TRIP11: variants seen among roughly 807,000 people sequenced by gnomAD.
TRIP11 encodes thyroid receptor-interacting protein 11.
In TRIP11, 148 loss-of-function variants were observed where a neutral mutation model predicts 223.1. That is an observed-to-expected ratio of 0.66 (90% CI 0.58 to 0.76). The LOEUF (loss-of-function observed/expected upper bound fraction) is 0.76. Among genes scored for constraint, TRIP11 ranks in the 30% least tolerant of loss-of-function variants. The pLI is 0.00. For synonymous variants in TRIP11, 762 were observed against 772.6 expected (o/e 0.99, Z 0.23); for missense variants, 2,043 against 2,222.0 (o/e 0.92, Z 1.62).
At position 91,995,246 on chromosome 14, in the gene TRIP11, A is replaced by T. The variant is rs1028877761; in HGVS notation, c.5056+106T>A. 8 of 1,380,190 alleles carry T rather than the reference A, an allele frequency of 5.8e-6. No individual in the cohort carries two copies. The African/African-American group carries it at 1.1e-4, about 20-fold the overall frequency. The allele number at this position is 1,380,190 out of a possible 1,614,324, so 85.5% of individuals were successfully genotyped here. A position where few individuals can be genotyped will look rare whatever the true frequency, so the allele number is the denominator to read the frequency against. On this transcript the variant is annotated intron_variant, in intron 14 of 20. Transcript: ENST00000267622. ...CACCCTTCCCCTCTACCAGTGGGTA[A>T]CCTTTCAGAGATTTCCCCGTGCCTC...
At chr14:91,996,476 A>G (rs1033279032) in intron 13 of TRIP11, among the ~76,000 whole-genome samples, 11 of 152,212 alleles carry the variant, frequency 7.2e-5, no homozygotes, top group Non-Finnish European at 1.3e-4. Flanking sequence ...CAGGAGCTTG[A>G]GGCTGCACTG....
intron 15 of TRIP11, among the ~76,000 whole-genome samples, chr14:91,990,587 GA>G (rs1165198106): frequency 1.3e-5 from 2 of 152,202 alleles, no homozygotes; most frequent in African/African-American, 4.8e-5. Flanking sequence ...CTTGAGTCCA[GA>G]AATGCAAGGC....
At chr14:92,019,948 T>C (rs905024344) in intron 4 of TRIP11, among the ~76,000 whole-genome samples, 5 of 152,202 alleles carry the variant, frequency 3.3e-5, no homozygotes, top group African/African-American at 1.2e-4. Flanking sequence ...ATCCTCAAGA[T>C]ATCTCATTAT....
At chr14:92,015,442 C>T (rs753857574) in intron 6 of TRIP11, among the ~76,000 whole-genome samples, 5 of 151,980 alleles carry the variant, frequency 3.3e-5, no homozygotes, top group African/African-American at 1.2e-4. Flanking sequence ...GTGGACCACC[C>T]GAGATCACGA....
At chr14:92,000,193 T>C in intron 11 of TRIP11, 85 bp from the exon 12 acceptor site, 1 of 1,578,766 alleles carries the variant, frequency 6.3e-7, no homozygotes, top group Non-Finnish European at 8.6e-7. Context: ...CAATTATTAA[T>C]TCATTTAATT....
At chr14:92,000,229 A>ACTCT in intron 11 of TRIP11, 121 bp from the exon 12 acceptor site, 1 of 1,477,618 alleles carries the variant, frequency 6.8e-7, no homozygotes, top group Non-Finnish European at 9.2e-7. Context: ...CTCCCGATTT[A>ACTCT]CTCTCTGAGT....
chr14:92,039,579 T>A lies in TRIP11; in HGVS notation c.107A>T (p.Asp36Val), dbSNP rs186074112. The part of the protein sequence containing the change: ...LTGQISNFTK[D>V]MLMEGTEEVE... ...TTCCTCCGTGCCCTCCATCAGCATATCCTTTGTAAAGTTTGATATCTGGCC... is the reference window on the plus strand; with the variant it reads ...TTCCTCCGTGCCCTCCATCAGCATAACCTTTGTAAAGTTTGATATCTGGCC... The change falls in exon 1 of 21, where the codon GAT (aspartate) becomes GTT (valine). Residue 36 changes from aspartate to valine, a missense_variant. Transcript: ENST00000267622. 2.9e-4 allele frequency: 461 copies of A among 1,613,928 alleles called. 2 individuals carry two copies. In the East Asian group the frequency reaches 9.0e-3, roughly 32 times the overall value.
rs146422639 is a variant in TRIP11, at chr14:92,004,562, A to G, written c.3414T>C (p.Asp1138=). The change falls in exon 11 of 21, where the codon GAT becomes GAC. Residue 1138 remains aspartate, a synonymous_variant. Coordinates refer to ENST00000267622, the MANE Select transcript of TRIP11 (RefSeq NM_004239.4). ...ATCTAGTGGACAATTTTTTATTTTC[A>G]TCTTGCAGTTTGATAAGAGCTGCTT... is the stretch of plus-strand genomic sequence containing the variant. ...AKEAALIKLQ[D]ENKKLSTRFE... is the part of the protein sequence containing the mutation. The G allele has an allele frequency of 6.2e-6, 10 of 1,613,542 alleles. No homozygotes were observed. The South Asian group carries it at 7.7e-5, about 12-fold the overall frequency.
At chr14:91,982,669 G>C (rs1018889030) in intron 16 of TRIP11, among the ~76,000 whole-genome samples, 4 of 152,190 alleles carry the variant, frequency 2.6e-5, no homozygotes, top group Non-Finnish European at 4.4e-5. Context: ...GATATCCAGG[G>C]TCTCTTCAAA....
At chr14:92,013,127 C>T (rs1268605762) in intron 7 of TRIP11, among the ~76,000 whole-genome samples, 1 of 152,048 alleles carries the variant, frequency 6.6e-6, no homozygotes, top group Non-Finnish European at 1.5e-5. Context: ...ATTAGCTGGG[C>T]GTGGTGACAC....
At chr14:92,026,962 T>G in intron 2 of TRIP11, 1 of 1,047,568 alleles carries the variant, frequency 9.5e-7, no homozygotes, top group Non-Finnish European at 1.4e-6. Context: ...CCTCTCAGAA[T>G]CTAAACGTGG....
intron 13 of TRIP11, among the ~76,000 whole-genome samples, chr14:91,997,476 T>C (rs567653204): frequency 1.9e-3 from 284 of 152,108 alleles, no homozygotes; most frequent in Non-Finnish European, 3.4e-3. Flanking sequence ...AACTAAATAT[T>C]ATGCAAGTTC....
chr14:92,025,513 C>CT, intron 2 of TRIP11, 93 bp from the exon 3 acceptor site: 1 of 832,554 alleles, frequency 1.2e-6, no homozygotes, highest in Non-Finnish European at 1.9e-6. Flanking sequence ...CTGCTTTCCC[C>CT]CCCCAAAAAT....
chr14:92,015,257 C>T (rs1430340568), intron 6 of TRIP11, among the ~76,000 whole-genome samples: 1 of 152,170 alleles, frequency 6.6e-6, no homozygotes, highest in African/African-American at 2.4e-5. Flanking sequence ...ATAAGCAGAA[C>T]TAGTCATTTA....
At chr14:92,001,717 T>C (rs1373548629) in intron 11 of TRIP11, among the ~76,000 whole-genome samples, 1 of 152,180 alleles carries the variant, frequency 6.6e-6, no homozygotes, top group Non-Finnish European at 1.5e-5. Context: ...CCAAAATATC[T>C]ATAAATGACA....
chr14:91,993,295 G>A (rs1289729312), intron 15 of TRIP11, among the ~76,000 whole-genome samples: 3 of 151,644 alleles, frequency 2.0e-5, no homozygotes, highest in African/African-American at 7.3e-5. Flanking sequence ...TGACCAACAT[G>A]GTGAAACCCC....
chr14:91,975,872 C>A (rs999794346), intron 17 of TRIP11, among the ~76,000 whole-genome samples: 26 of 151,836 alleles, frequency 1.7e-4, no homozygotes, highest in African/African-American at 5.6e-4. Flanking sequence ...TATTTTAGCT[C>A]TTCTATATGG....
At chr14:92,035,336 AAAG>A (rs778788828) in intron 1 of TRIP11, among the ~76,000 whole-genome samples, 14 of 151,868 alleles carry the variant, frequency 9.2e-5, no homozygotes, top group Non-Finnish European at 1.0e-4. Flanking sequence ...AAAGAAAAGA[AAAG>A]AAAATCATCA....
chr14:92,023,583 G>GCA (rs1382517902), intron 3 of TRIP11, among the ~76,000 whole-genome samples: 1 of 152,184 alleles, frequency 6.6e-6, no homozygotes, highest in Non-Finnish European at 1.5e-5. Context: ...TGCTCAACCT[G>GCA]CACCAGGGCC....
Sources: allele counts gnomAD v4.1 joint callset (sites outside exome capture counted in the v4.1 genomes callset), GRCh38; gene constraint gnomAD v4.1.1; transcripts MANE v1.5; gene names NCBI Gene and HGNC (gene_info 2026-07-23, HGNC 2026-07-21).